The following MECOM variants were observed in gnomAD, a reference collection of about 807,000 sequenced individuals.
MECOM encodes histone-lysine N-methyltransferase MECOM.
In MECOM, 13 loss-of-function variants were observed where a neutral mutation model predicts 116.3. The observed-to-expected ratio is 0.11, with a 90% CI of 0.07 to 0.18. The LOEUF (loss-of-function observed/expected upper bound fraction) is 0.18, where lower values mean the gene tolerates loss of function less well. MECOM is among the 10% of genes least tolerant of loss of function. MECOM has a pLI of 1.00. For missense variants in MECOM, 1,299 were observed against 1,509.0 expected (o/e 0.86, Z 2.31); for synonymous variants, 528 against 535.2 (o/e 0.99, Z 0.19).
intron 2 of MECOM, among the ~76,000 whole-genome samples, chr3:169,298,538 T>C (rs962688723): frequency 3.9e-5 from 6 of 152,062 alleles, no homozygotes; most frequent in African/African-American, 1.4e-4. Context: ...AATTAAATTA[T>C]ATTAGTATTT....
rs1747993216 is a variant in MECOM, at chr3:169,193,500, C to T, written c.376-49668G>A. On this transcript the variant is annotated intron_variant, in intron 2 of 16. Transcript: ENST00000651503. Reference sequence around the variant, plus strand: ...GTTAAAATAAATAAATTTTCCTATCCCAAAATATCTTACAGAATAAGGAAT... The same window carrying T: ...GTTAAAATAAATAAATTTTCCTATCTCAAAATATCTTACAGAATAAGGAAT... Among the ~76,000 whole-genome samples, 6 of 151,590 alleles carry T rather than the reference C, an allele frequency of 4.0e-5. 1 individual carries two copies. The South Asian group carries it at 1.3e-3, about 32-fold the overall frequency.
chr3:169,503,075 A>T (rs1754737504), intron 1 of MECOM, among the ~76,000 whole-genome samples: 1 of 152,212 alleles, frequency 6.6e-6, no homozygotes, highest in African/African-American at 2.4e-5. Context: ...ATACGATAGT[A>T]AATTCTCACA....
At chr3:169,178,525 G>A (rs1247508852) in intron 2 of MECOM, among the ~76,000 whole-genome samples, 6 of 152,164 alleles carry the variant, frequency 3.9e-5, no homozygotes, top group Non-Finnish European at 7.3e-5. Flanking sequence ...GGAGGACAAT[G>A]TATAGCCAGC....
intron 2 of MECOM, among the ~76,000 whole-genome samples, chr3:169,294,927 G>A (rs1715310231): frequency 6.6e-6 from 1 of 152,034 alleles, no homozygotes. Context: ...GGATCCACAA[G>A]CACCCTCTTT....
intron 2 of MECOM, among the ~76,000 whole-genome samples, chr3:169,264,914 A>G (rs984370126): frequency 6.6e-6 from 1 of 152,162 alleles, no homozygotes; most frequent in Non-Finnish European, 1.5e-5. Context: ...GACTCTTGCC[A>G]AGATCCTGGC....
At chr3:169,595,246 C>T (rs1766997157) in intron 1 of MECOM, among the ~76,000 whole-genome samples, 1 of 152,054 alleles carries the variant, frequency 6.6e-6, no homozygotes, top group Non-Finnish European at 1.5e-5. Flanking sequence ...CCTTTCTAAA[C>T]CCAAAATGCA....
At chr3:169,354,863 C>T (rs377352575) in intron 2 of MECOM, among the ~76,000 whole-genome samples, 7 of 151,826 alleles carry the variant, frequency 4.6e-5, no homozygotes, top group Non-Finnish European at 1.0e-4. Context: ...ATTACACTCC[C>T]CTGGAGACTG....
intron 1 of MECOM, among the ~76,000 whole-genome samples, chr3:169,517,546 T>C (rs1756789167): frequency 6.6e-6 from 1 of 152,190 alleles, no homozygotes; most frequent in Non-Finnish European, 1.5e-5. Flanking sequence ...CATTAGACTA[T>C]TTCTAATAGA....
At chr3:169,587,966 T>G (rs1261764612) in intron 1 of MECOM, among the ~76,000 whole-genome samples, 1 of 152,164 alleles carries the variant, frequency 6.6e-6, no homozygotes, top group African/African-American at 2.4e-5. Context: ...ATGCATAAAC[T>G]CCATACAGTT....
At chr3:169,411,782 G>T (rs577876294) in intron 1 of MECOM, among the ~76,000 whole-genome samples, 6 of 152,288 alleles carry the variant, frequency 3.9e-5, no homozygotes, top group African/African-American at 1.4e-4. Flanking sequence ...TTTGAGGCCA[G>T]GAGTTCCAGA....
At chr3:169,562,173 A>C (rs1026081652) in intron 1 of MECOM, among the ~76,000 whole-genome samples, 2 of 133,440 alleles carry the variant, frequency 1.5e-5, no homozygotes, top group African/African-American at 5.7e-5. Flanking sequence ...GGAAAGAAAG[A>C]AAGAAAAAAA....
At chr3:169,173,922 T>C (rs1454452607) in intron 2 of MECOM, among the ~76,000 whole-genome samples, 3 of 152,244 alleles carry the variant, frequency 2.0e-5, no homozygotes, top group African/African-American at 7.2e-5. Flanking sequence ...TGTAATACTT[T>C]GGACTTTATA....
intron 1 of MECOM, among the ~76,000 whole-genome samples, chr3:169,552,995 T>C (rs1208099867): frequency 6.6e-6 from 1 of 151,646 alleles, no homozygotes. Context: ...AGACAACAAG[T>C]AGGAATTTTA....
intron 2 of MECOM, among the ~76,000 whole-genome samples, chr3:169,292,805 C>T (rs1714833489): frequency 6.6e-6 from 1 of 152,170 alleles, no homozygotes; most frequent in Admixed American, 6.5e-5. Flanking sequence ...AGAATGTTTG[C>T]AGCCTCCCAG....
At chr3:169,600,867 T>C (rs1328447217) in intron 1 of MECOM, among the ~76,000 whole-genome samples, 1 of 152,212 alleles carries the variant, frequency 6.6e-6, no homozygotes, top group Non-Finnish European at 1.5e-5. Context: ...TTTCTTCATT[T>C]GGAAAGTAGA....
Position 169,116,093 on chromosome 3 carries a change from C to A in MECOM, c.1779G>T (p.Leu593=). The A allele has an allele frequency of 6.2e-7, 1 of 1,614,102 alleles. No individual in the cohort carries two copies. Among genetic ancestry groups the A allele is most frequent in the Non-Finnish European group, 8.5e-7 (1 of 1,180,022 alleles). Reference sequence around the variant, plus strand: ...CCAGATCAGAGCCCGAGGTTGTTTCCAGGTCACTGCCACTTGGTGTACTGA... The same window carrying A: ...CCAGATCAGAGCCCGAGGTTGTTTCAAGGTCACTGCCACTTGGTGTACTGA... ...DDVSTPSGSD[L]ETTSGSDLES... The change falls in exon 8 of 17, where the codon CTG becomes CTT. Residue 593 remains leucine, a synonymous_variant. Transcript: ENST00000651503.
rs370236787 is a variant in MECOM at position 169,560,769 on chromosome 3, C to T, written c.37+102567G>A. On this transcript the variant is annotated intron_variant, in intron 1 of 16. Coordinates refer to ENST00000651503, the MANE Select transcript of MECOM (RefSeq NM_004991.4). ...ATAGACCATGTGTGCATTATACTTA[C>T]AATGACAATAATATCATAGGAAAAA... Among the ~76,000 whole-genome samples the T allele has an allele frequency of 1.7e-4, 26 of 152,052 alleles. No homozygotes were observed. The East Asian group carries it at 5.0e-3, about 29-fold the overall frequency.
At chr3:169,408,349 G>A (rs1737022068) in intron 1 of MECOM, among the ~76,000 whole-genome samples, 1 of 152,176 alleles carries the variant, frequency 6.6e-6, no homozygotes, top group Non-Finnish European at 1.5e-5. Context: ...CACATGATAG[G>A]CAGGATAATC....
At chr3:169,662,034 T>C (rs1776349194) in intron 1 of MECOM, among the ~76,000 whole-genome samples, 1 of 152,074 alleles carries the variant, frequency 6.6e-6, no homozygotes, top group Non-Finnish European at 1.5e-5. Context: ...CAACTCGAAG[T>C]AGAAGCATTT....
Sources: gnomAD v4.1 joint callset for allele counts (sites outside exome capture counted in the v4.1 genomes callset) on GRCh38, gnomAD v4.1.1 for gene constraint, MANE v1.5 for transcripts, NCBI Gene and HGNC (gene_info 2026-07-23, HGNC 2026-07-21) for gene names.